NIM1K: variants seen among roughly 807,000 people sequenced by gnomAD.
The protein encoded by NIM1K is serine/threonine-protein kinase NIM1.
NIM1K carries 35 observed loss-of-function variants against 37.1 expected under a neutral mutation model. The ratio of observed to expected loss-of-function variants is 0.94; its 90% CI spans 0.72 to 1.25. The LOEUF is 1.25. Among genes scored for constraint, NIM1K ranks in the 50% most tolerant of loss-of-function variants. The probability of loss-of-function intolerance (pLI) is 0.00; values close to 1 mark genes in which losing one functional copy is unlikely to be tolerated. For synonymous variants in NIM1K, 234 were observed against 206.6 expected (o/e 1.13, Z -1.14); for missense variants, 564 against 548.0 (o/e 1.03, Z -0.29).
chr5:43,233,067 C>T, intron 1 of NIM1K: 3 of 1,332,528 alleles, frequency 2.3e-6, no homozygotes, highest in South Asian at 1.2e-5. Flanking sequence ...TGTCACTTGG[C>T]ATCTGGCCAT....
At position 43,213,320 on chromosome 5, in the gene NIM1K, CTTTTCTTTTCT is replaced by C. The variant is rs1243074754; in HGVS notation, c.-695+20913_-695+20923del. On this transcript the variant is annotated intron_variant, in intron 1 of 3. Transcript: ENST00000326035. The stretch of plus-strand genomic sequence containing the variant: ...CTTTTCTTTTCTTTTCTTTTCTTTT[CTTTTCTTTTCT>C]TTTCTTTTCTTTTCTAGTTGGAGTC... 9.4e-4 allele frequency among the ~76,000 whole-genome samples: 104 copies of C among 110,308 alleles called. 2 individuals carry two copies. In the East Asian group the frequency reaches 0.023, roughly 24 times the overall value. 72.4% of individuals were successfully genotyped at this position (110,308 alleles called of 152,430 possible). A position where few individuals can be genotyped will look rare whatever the true frequency, so the allele number is the denominator to read the frequency against.
At chr5:43,220,282 T>C (rs1752361633) in intron 1 of NIM1K, among the ~76,000 whole-genome samples, 1 of 149,174 alleles carries the variant, frequency 6.7e-6, no homozygotes, top group South Asian at 2.1e-4. Flanking sequence ...TTCTTCTGCA[T>C]GTGGGTATCT....
At chr5:43,218,391 T>C (rs1401547160) in intron 1 of NIM1K, among the ~76,000 whole-genome samples, 1 of 152,234 alleles carries the variant, frequency 6.6e-6, no homozygotes, top group Non-Finnish European at 1.5e-5. Flanking sequence ...GGATAATTTA[T>C]AAACAGACCT....
At chr5:43,249,681 G>A (rs114442176) in intron 2 of NIM1K, among the ~76,000 whole-genome samples, 105 of 152,130 alleles carry the variant, frequency 6.9e-4, no homozygotes, top group African/African-American at 2.5e-3. Flanking sequence ...CTGTCTACTG[G>A]GCATGCTCCA....
rs1481422326 is a variant in NIM1K at position 43,280,262 on chromosome 5, A to T, written c.844A>T (p.Ser282Cys). Reference sequence around the variant, plus strand: ...AGAAACCGTGGCCAAACTAAAAAAGAGCATCCTCGAGGGCACATACAGTGT... The same window carrying T: ...AGAAACCGTGGCCAAACTAAAAAAGTGCATCCTCGAGGGCACATACAGTGT... ...RAETVAKLKKSILEGTYSVPP... is the reference protein window; with the variant it reads ...RAETVAKLKKCILEGTYSVPP... Residue 282 changes from serine (S) to cysteine (C), a missense_variant, in exon 4 of 4, where the codon AGC becomes TGC. Physicochemically the swap from Ser to Cys is moderately radical, Grantham distance 112. Coordinates refer to ENST00000326035, the MANE Select transcript of NIM1K (RefSeq NM_153361.4). 6.2e-7 allele frequency: 1 copy of T among 1,614,164 alleles called. No individual in the cohort carries two copies. The highest frequency in any genetic ancestry group is 8.5e-7 in the Non-Finnish European group (1 of 1,180,020).
intron 1 of NIM1K, among the ~76,000 whole-genome samples, chr5:43,208,164 G>A (rs1367344826): frequency 1.3e-5 from 2 of 151,976 alleles, no homozygotes; most frequent in South Asian, 2.1e-4. Context: ...AATGAACATC[G>A]TTGTTTTGTG....
At chr5:43,227,300 C>T (rs534979770) in intron 1 of NIM1K, among the ~76,000 whole-genome samples, 130 of 152,012 alleles carry the variant, frequency 8.6e-4, no homozygotes, top group East Asian at 1.5e-3. Flanking sequence ...GCAGAGGTTG[C>T]GGTGAGCCGA....
rs996669619 is a variant in NIM1K, at chr5:43,266,027, C to T, written c.293-11030C>T. ...TCACCCAGCTGTGTGAGGCATCAGTCGGCCCCTACTGGGAGGTGCCGCTCA... is the reference window on the plus strand; with the variant it reads ...TCACCCAGCTGTGTGAGGCATCAGTTGGCCCCTACTGGGAGGTGCCGCTCA... On this transcript the variant is annotated intron_variant, in intron 2 of 3. Coordinates refer to ENST00000326035, the MANE Select transcript of NIM1K (RefSeq NM_153361.4). 3.9e-5 allele frequency among the ~76,000 whole-genome samples: 6 copies of T among 152,340 alleles called. No individual in the cohort carries two copies. In the East Asian group the frequency reaches 7.7e-4, roughly 20 times the overall value.
intron 1 of NIM1K, among the ~76,000 whole-genome samples, chr5:43,223,485 A>C (rs1752409840): frequency 6.6e-6 from 1 of 152,204 alleles, no homozygotes; most frequent in Admixed American, 6.5e-5. Flanking sequence ...TTATCCTCTA[A>C]ATTTCAATAA....
intron 1 of NIM1K, among the ~76,000 whole-genome samples, chr5:43,229,498 C>T (rs927011853): frequency 1.3e-5 from 2 of 151,954 alleles, no homozygotes; most frequent in Non-Finnish European, 2.9e-5. Flanking sequence ...CATTGGTCCA[C>T]TGTACTTTAT....
At position 43,280,486 on chromosome 5, in the gene NIM1K, G is replaced by C. The variant is rs747463737; in HGVS notation, c.1068G>C (p.Glu356Asp). The change falls in exon 4 of 4, where the codon GAG becomes GAC. Residue 356 changes from glutamate to aspartate, a missense_variant. Physicochemically the swap from Glu to Asp is conservative, Grantham distance 45 (BLOSUM62 2). Transcript: ENST00000326035. The stretch of plus-strand genomic sequence containing the variant: ...GCACTCTCAAGGAAGAAGAAAATGA[G>C]GTCAAAAGCACTTTAGAACATTTGG... ...ETSTLKEEEN[E>D]VKSTLEHLGI... 1.2e-6 allele frequency: 2 copies of C among 1,614,146 alleles called. No individual in the cohort carries two copies. The highest frequency in any genetic ancestry group is 1.7e-6 in the Non-Finnish European group (2 of 1,180,042).
At chr5:43,248,945 G>C (rs899746958) in intron 2 of NIM1K, among the ~76,000 whole-genome samples, 2 of 151,786 alleles carry the variant, frequency 1.3e-5, no homozygotes, top group Non-Finnish European at 2.9e-5. Context: ...CGTGATCTCA[G>C]CTCACCTCAA....
rs1751845674 is a variant in NIM1K, at chr5:43,192,330, C to A, written c.-776C>A. 6.6e-6 allele frequency: 1 copy of A among 152,432 alleles called. No homozygotes were observed. The allele number at this position is 152,432 out of a possible 1,614,324, so 9.4% of individuals were successfully genotyped here. ...CACCTCGGGACATCCACACACCGAC[C>A]GCTCCTGCTCCAGAGGCAACAACCC... On this transcript the variant is annotated 5_prime_UTR_variant, in exon 1 of 4. Coordinates refer to ENST00000326035, the MANE Select transcript of NIM1K (RefSeq NM_153361.4).
At chr5:43,216,673 C>G (rs1312480615) in intron 1 of NIM1K, among the ~76,000 whole-genome samples, 1 of 152,170 alleles carries the variant, frequency 6.6e-6, no homozygotes, top group African/African-American at 2.4e-5. Flanking sequence ...TTCTTGCCTT[C>G]CCCGATTGTA....
intron 1 of NIM1K, among the ~76,000 whole-genome samples, chr5:43,231,599 A>G (rs1752539912): frequency 2.0e-5 from 3 of 152,222 alleles, no homozygotes; most frequent in African/African-American, 4.8e-5. Context: ...TTCACTTTTA[A>G]AAAACATTTA....
At chr5:43,207,571 C>T (rs1166683443) in intron 1 of NIM1K, 2 of 684,866 alleles carry the variant, frequency 2.9e-6, no homozygotes, top group African/African-American at 3.5e-5. Context: ...GGGAGTTTCT[C>T]AGACTGAATC....
chr5:43,231,667 C>T, intron 1 of NIM1K: 2 of 436,422 alleles, frequency 4.6e-6, no homozygotes, highest in East Asian at 1.1e-4. Context: ...TCTGCAAAAG[C>T]ATTCATGTTT....
At chr5:43,255,754 A>AAAAGAAAAG (rs1554016086) in intron 2 of NIM1K, among the ~76,000 whole-genome samples, 1 of 131,808 alleles carries the variant, frequency 7.6e-6, no homozygotes, top group Non-Finnish European at 1.6e-5. Flanking sequence ...TCTCAAAAAA[A>AAAAGAAAAG]AAAGAAAGAA....
At chr5:43,259,849 A>C (rs1478059735) in intron 2 of NIM1K, among the ~76,000 whole-genome samples, 3 of 152,046 alleles carry the variant, frequency 2.0e-5, no homozygotes, top group Non-Finnish European at 4.4e-5. Context: ...CTTAGTCACA[A>C]ATTCTTTATC....
Sources: allele counts gnomAD v4.1 joint callset (sites outside exome capture counted in the v4.1 genomes callset), GRCh38; gene constraint gnomAD v4.1.1; transcripts MANE v1.5; gene names NCBI Gene and HGNC (gene_info 2026-07-23, HGNC 2026-07-21).